Variants in SLC35F5 observed in about 807,000 individuals in gnomAD.
The protein encoded by SLC35F5 is HCV NS5A-transactivated protein 3.
Under a neutral mutation model 68.6 loss-of-function variants are expected in SLC35F5, and 54 were observed. The ratio of observed to expected loss-of-function variants is 0.79; its 90% CI spans 0.63 to 0.99. The LOEUF (loss-of-function observed/expected upper bound fraction) is 0.99. Among genes scored for constraint, SLC35F5 ranks in the 50% least tolerant of loss-of-function variants. The probability of loss-of-function intolerance (pLI) is 0.00; values close to 1 mark genes in which losing one functional copy is unlikely to be tolerated. For synonymous variants in SLC35F5, 211 were observed against 205.2 expected, an observed-to-expected ratio of 1.03 and a Z score of -0.24; for missense variants, 567 against 626.9, an observed-to-expected ratio of 0.90 and a Z score of 1.02.
chr2:113,739,438 C>T (rs1174202702), intron 7 of SLC35F5, among the ~76,000 whole-genome samples: 1 of 152,058 alleles, frequency 6.6e-6, no homozygotes, highest in African/African-American at 2.4e-5. Flanking sequence ...TTTGGTGGGC[C>T]AACTGTATGT....
At chr2:113,733,658 C>T (rs1333351228) in intron 9 of SLC35F5, among the ~76,000 whole-genome samples, 2 of 152,174 alleles carry the variant, frequency 1.3e-5, no homozygotes, top group African/African-American at 4.8e-5. Context: ...AAAAGAAAAA[C>T]ATTTAATATT....
At chr2:113,702,889 G>A (rs568993909), downstream of SLC35F5, among the ~76,000 whole-genome samples, 2 of 152,042 alleles carry the variant, frequency 1.3e-5, no homozygotes, top group Admixed American at 1.3e-4. Context: ...CAGGCAGATT[G>A]CTTGAGGCCA....
At chr2:113,720,925 G>A (rs1687405513) in intron 13 of SLC35F5, among the ~76,000 whole-genome samples, 1 of 152,004 alleles carries the variant, frequency 6.6e-6, no homozygotes, top group Non-Finnish European at 1.5e-5. Context: ...TTTCCAACAA[G>A]CTAAGACAAA....
chr2:113,743,805 A>C lies in SLC35F5; in HGVS notation c.481-11T>G, dbSNP rs1676378957. On this transcript the variant is annotated splice_polypyrimidine_tract_variant and intron_variant, in intron 5 of 15. Coordinates refer to ENST00000245680, the MANE Select transcript of SLC35F5 (RefSeq NM_025181.5). ...ATACAGAGGTTCACTCTGGAATGTAACAGAAAAAAATATAAACAACAAATA... is the reference window on the plus strand; with the variant it reads ...ATACAGAGGTTCACTCTGGAATGTACCAGAAAAAAATATAAACAACAAATA... The C allele has an allele frequency of 1.1e-5, 18 of 1,580,862 alleles. No individual in the cohort carries two copies. The highest frequency in any genetic ancestry group is 1.5e-5 in the Non-Finnish European group (17 of 1,161,678).
At chr2:113,724,075 A>G (rs1490089969) in intron 12 of SLC35F5, among the ~76,000 whole-genome samples, 1 of 152,250 alleles carries the variant, frequency 6.6e-6, no homozygotes, top group Admixed American at 6.5e-5. Context: ...CTATCTCTCA[A>G]TAAAGTGTCA....
chr2:113,748,782 C>A (rs1417943135), intron 4 of SLC35F5, among the ~76,000 whole-genome samples: 1 of 152,052 alleles, frequency 6.6e-6, no homozygotes, highest in Non-Finnish European at 1.5e-5. Flanking sequence ...GCTTCACCTA[C>A]ATTTAAAAAA....
chr2:113,731,556 C>CAG, intron 10 of SLC35F5, 28 bp downstream of exon 10: 1 of 1,585,766 alleles, frequency 6.3e-7, no homozygotes, highest in Non-Finnish European at 8.7e-7. Flanking sequence ...TTTACTCTAA[C>CAG]AGAGAGAATC....
At chr2:113,739,334 T>C (rs1230070048) in intron 7 of SLC35F5, among the ~76,000 whole-genome samples, 1 of 152,214 alleles carries the variant, frequency 6.6e-6, no homozygotes, top group Non-Finnish European at 1.5e-5. Context: ...TCAATCTCTA[T>C]TATTTTTATC....
At chr2:113,736,117 G>A (rs939447800) in intron 7 of SLC35F5, among the ~76,000 whole-genome samples, 10 of 150,646 alleles carry the variant, frequency 6.6e-5, no homozygotes, top group Admixed American at 4.6e-4. Flanking sequence ...TTTTTTTAAT[G>A]AGTAAAATCA....
At chr2:113,717,608 G>T in intron 15 of SLC35F5, 145 bp downstream of exon 15, 1 of 530,950 alleles carries the variant, frequency 1.9e-6, no homozygotes, top group Non-Finnish European at 3.3e-6. Context: ...AGTATGTGGA[G>T]AAGACGGAAC....
chr2:113,754,084 G>A (rs1676866267), intron 3 of SLC35F5, among the ~76,000 whole-genome samples: 1 of 152,078 alleles, frequency 6.6e-6, no homozygotes, highest in South Asian at 2.1e-4. Context: ...GAGGTCAGGA[G>A]TTTGAGACCA....
intron 7 of SLC35F5, among the ~76,000 whole-genome samples, chr2:113,737,963 T>C (rs1052667675): frequency 6.6e-6 from 1 of 152,190 alleles, no homozygotes; most frequent in Admixed American, 6.5e-5. Flanking sequence ...TAAATTGTCA[T>C]AAAATGTTAA....
chr2:113,747,550 C>A (rs1370455602), intron 4 of SLC35F5, among the ~76,000 whole-genome samples: 1 of 152,144 alleles, frequency 6.6e-6, no homozygotes, highest in Non-Finnish European at 1.5e-5. Flanking sequence ...AAATAAGACA[C>A]AGACAACACA....
chr2:113,741,371 A>C (rs1273721295), intron 7 of SLC35F5, among the ~76,000 whole-genome samples: 4 of 152,214 alleles, frequency 2.6e-5, no homozygotes, highest in African/African-American at 9.7e-5. Flanking sequence ...GTTGTGCAAC[A>C]ATGTGAATGT....
intron 5 of SLC35F5, among the ~76,000 whole-genome samples, chr2:113,745,747 C>A (rs1462778846): frequency 6.6e-6 from 1 of 152,020 alleles, no homozygotes; most frequent in Non-Finnish European, 1.5e-5. Context: ...TTATATACTA[C>A]CTCTCCAACT....
At position 113,730,951 on chromosome 2, in the gene SLC35F5, G is replaced by A. The variant is rs541384310; in HGVS notation, c.985+633C>T. Reference sequence around the variant, plus strand: ...GAAATATTAGTAACTTTACACTGGAGTAGGGTGGTTAATTTTAACCACCTT... The same window carrying A: ...GAAATATTAGTAACTTTACACTGGAATAGGGTGGTTAATTTTAACCACCTT... On this transcript the variant is annotated intron_variant, in intron 10 of 15. Coordinates refer to ENST00000245680, the MANE Select transcript of SLC35F5 (RefSeq NM_025181.5). Among the ~76,000 whole-genome samples, 5 of 152,278 alleles carry A rather than the reference G, an allele frequency of 3.3e-5. No individual in the cohort carries two copies. The East Asian group carries it at 9.6e-4, about 29-fold the overall frequency.
intron 11 of SLC35F5, chr2:113,725,920 G>C (rs993225833): frequency 6.5e-6 from 1 of 154,430 alleles, no homozygotes; most frequent in African/African-American, 2.4e-5. Context: ...TGAGGAATTA[G>C]ATGGTTTGCT....
intron 7 of SLC35F5, among the ~76,000 whole-genome samples, chr2:113,739,256 T>C (rs1363257722): frequency 1.3e-5 from 2 of 152,198 alleles, no homozygotes; most frequent in Admixed American, 6.5e-5. Context: ...CATCCTCCCA[T>C]ATACGTTAAA....
chr2:113,720,688 T>C (rs890214557), intron 13 of SLC35F5, among the ~76,000 whole-genome samples: 30 of 152,202 alleles, frequency 2.0e-4, no homozygotes, highest in African/African-American at 7.2e-4. Context: ...ATTTAAATTA[T>C]CCAAGATCAG....
Sources: allele counts gnomAD v4.1 joint callset (sites outside exome capture counted in the v4.1 genomes callset), GRCh38; gene constraint gnomAD v4.1.1; transcripts MANE v1.5; gene names NCBI Gene and HGNC (gene_info 2026-07-23, HGNC 2026-07-21).